The following CLTC variants were observed in gnomAD, a reference collection of about 807,000 sequenced individuals.
The protein encoded by CLTC is clathrin heavy chain 1.
A neutral mutation model predicts 195.8 loss-of-function variants in CLTC; 16 were observed. That is an observed-to-expected ratio of 0.08 (90% confidence interval 0.06 to 0.12). The LOEUF is 0.12. Among genes scored for constraint, CLTC ranks in the 10% least tolerant of loss-of-function variants. The pLI is 1.00. For missense variants in CLTC, 796 were observed against 2,027.0 expected, an observed-to-expected ratio of 0.39 and a Z score of 11.66; for synonymous variants, 667 against 689.4, an observed-to-expected ratio of 0.97 and a Z score of 0.51.
chr17:59,626,387 G>A (rs1022228249), intron 1 of CLTC, among the ~76,000 whole-genome samples: 3 of 152,072 alleles, frequency 2.0e-5, no homozygotes, highest in African/African-American at 4.8e-5. Flanking sequence ...TATGTTCCAC[G>A]AGTCTCATTG....
At position 59,648,122 on chromosome 17, in the gene CLTC, CAA is replaced by C. The variant is rs1480669114; in HGVS notation, c.520-116_520-115del. 4.0e-6 allele frequency: 4 copies of C among 1,003,746 alleles called. No homozygotes were observed. The highest frequency in any genetic ancestry group is 1.9e-5 in the South Asian group (1 of 51,860). 62.2% of individuals were successfully genotyped at this position (1,003,746 alleles called of 1,614,324 possible). A position where few individuals can be genotyped will look rare whatever the true frequency, so the allele number is the denominator to read the frequency against. The stretch of plus-strand genomic sequence containing the variant: ...AAATCTACAGTGAGAGATGAAGTGA[CAA>C]ATAATTATAAATCCTGCTAAAGATG... On this transcript the variant is annotated intron_variant, in intron 3 of 31. Coordinates refer to ENST00000269122, the MANE Select transcript of CLTC (RefSeq NM_004859.4). The surrounding 1 kb of genome is among the most constrained non-coding windows in gnomAD (Gnocchi z 4.5).
At position 59,683,936 on chromosome 17, in the gene CLTC, C is replaced by A; in HGVS notation, c.4385C>A (p.Ser1462Tyr). The A allele has an allele frequency of 6.2e-7, 1 of 1,613,032 alleles. No homozygotes were observed. Among genetic ancestry groups the A allele is most frequent in the South Asian group, 1.1e-5 (1 of 91,056 alleles). Residue 1462 changes from serine (S) to tyrosine (Y), a missense_variant, in exon 28 of 32, where the codon TCT (serine) becomes TAT (tyrosine). By Grantham distance (144) the Ser-to-Tyr change is moderately radical. Coordinates refer to ENST00000269122, the MANE Select transcript of CLTC (RefSeq NM_004859.4). This position sits in a 1 kb window ranked among gnomAD's most constrained non-coding sequence, Gnocchi z 6.1. ...TCAGTTCAGAACCATAACAACAAAT[C>A]TGTGAATGAATCATTGAACAATCTT... ...LRSVQNHNNKSVNESLNNLFI... is the reference protein window; with the variant it reads ...LRSVQNHNNKYVNESLNNLFI...
chr17:59,655,407 A>C lies in CLTC; in HGVS notation c.796-447A>C, dbSNP rs574646506. Among the ~76,000 whole-genome samples the C allele has an allele frequency of 2.0e-5, 3 of 152,358 alleles. No homozygotes were observed. In the East Asian group the frequency reaches 5.8e-4, roughly 29 times the overall value. Reference sequence around the variant, plus strand: ...CATCAAAGATGACTGGCCACAGATCAACATGACAGATACAATAATGAAAAG... The same window carrying C: ...CATCAAAGATGACTGGCCACAGATCCACATGACAGATACAATAATGAAAAG... On this transcript the variant is annotated intron_variant, in intron 5 of 31. Coordinates refer to ENST00000269122, the MANE Select transcript of CLTC (RefSeq NM_004859.4).
intron 1 of CLTC, among the ~76,000 whole-genome samples, chr17:59,627,195 C>G (rs2031578600): frequency 6.6e-6 from 1 of 152,210 alleles, no homozygotes; most frequent in Non-Finnish European, 1.5e-5. Flanking sequence ...GACACCAAGC[C>G]TTGTCCTATT....
chr17:59,620,056 T>A lies in CLTC; in HGVS notation c.-76T>A. ...AGCCTCCCCCCTCCCCTTCTCCTCC[T>A]CTCCCTTGGAGAGCCCGGGCAGCCA... On this transcript the variant is annotated 5_prime_UTR_variant, in exon 1 of 32. Coordinates refer to ENST00000269122, the MANE Select transcript of CLTC (RefSeq NM_004859.4). 1 of 1,385,128 alleles carries A rather than the reference T, an allele frequency of 7.2e-7. No homozygotes were observed. Among genetic ancestry groups the A allele is most frequent in the Non-Finnish European group, 1.0e-6 (1 of 978,230 alleles). 85.8% of individuals were successfully genotyped at this position (1,385,128 alleles called of 1,614,324 possible).
At chr17:59,663,714 A>G in intron 8 of CLTC, 128 bp from the exon 9 acceptor site, 1 of 696,260 alleles carries the variant, frequency 1.4e-6, no homozygotes, top group Non-Finnish European at 2.3e-6. Context: ...ACCCCTGCAT[A>G]TTTATAATAT....
rs896974819 is a variant in CLTC, at chr17:59,682,542, C to A, written c.3601-87C>A. 1.3e-6 allele frequency: 2 copies of A among 1,577,878 alleles called. No homozygotes were observed. Among genetic ancestry groups the A allele is most frequent in the Non-Finnish European group, 1.7e-6 (2 of 1,158,034 alleles). On this transcript the variant is annotated intron_variant, in intron 22 of 31. Transcript: ENST00000269122. This position sits in a 1 kb window ranked among gnomAD's most constrained non-coding sequence, Gnocchi z 6.8. The stretch of plus-strand genomic sequence containing the variant: ...GGAAAAATCTATAGGAAAACAAATT[C>A]TTTCTCATTGTGAAGATATCAATTT...
At chr17:59,644,246 G>A in intron 1 of CLTC, 30 bp from the exon 2 acceptor site, 1 of 1,587,214 alleles carries the variant, frequency 6.3e-7, no homozygotes, top group Non-Finnish European at 8.6e-7. Context: ...GAATCCACTT[G>A]GTAACATGGT....
intron 1 of CLTC, among the ~76,000 whole-genome samples, chr17:59,631,181 A>G (rs999783388): frequency 2.0e-5 from 3 of 152,060 alleles, no homozygotes; most frequent in African/African-American, 7.2e-5. Flanking sequence ...CCTCCCTTAT[A>G]TTGTGTATCC....
chr17:59,664,250 T>C (rs1176413282), intron 9 of CLTC, among the ~76,000 whole-genome samples: 1 of 152,234 alleles, frequency 6.6e-6, no homozygotes, highest in Non-Finnish European at 1.5e-5. Flanking sequence ...AATATTCATT[T>C]ATTGAAAATG....
chr17:59,658,572 AATG>A (rs1357557649), intron 6 of CLTC: 2 of 152,200 alleles, frequency 1.3e-5, no homozygotes, highest in Admixed American at 6.6e-5. Flanking sequence ...TCCCTGAAGG[AATG>A]AGTAAGTGGC....
chr17:59,639,331 G>A (rs2031960950), intron 1 of CLTC, among the ~76,000 whole-genome samples: 1 of 152,054 alleles, frequency 6.6e-6, no homozygotes. Flanking sequence ...TAAGATTTTA[G>A]TGCTTTACTG....
At chr17:59,686,172 C>T (rs536986456) in intron 30 of CLTC, among the ~76,000 whole-genome samples, 1 of 152,124 alleles carries the variant, frequency 6.6e-6, no homozygotes, top group African/African-American at 2.4e-5. Flanking sequence ...TGGTTCCTGA[C>T]TTTAATGATG....
intron 28 of CLTC, chr17:59,684,315 A>G (rs762194561): frequency 4.0e-5 from 8 of 198,526 alleles, no homozygotes; most frequent in Non-Finnish European, 8.2e-5. Context: ...TTTATTCACC[A>G]TTTTTCTTGC....
chr17:59,660,300 G>T, intron 6 of CLTC, 91 bp from the exon 7 acceptor site: 2 of 1,058,974 alleles, frequency 1.9e-6, no homozygotes, highest in East Asian at 2.5e-5. Flanking sequence ...CATTACCTTT[G>T]TGACTCAGTA....
At chr17:59,626,634 G>A (rs2031561136) in intron 1 of CLTC, among the ~76,000 whole-genome samples, 1 of 152,182 alleles carries the variant, frequency 6.6e-6, no homozygotes, top group Non-Finnish European at 1.5e-5. Flanking sequence ...GAATGAGGCT[G>A]TTTCTCTAAG....
At chr17:59,690,129 T>A (rs1353011235) in intron 30 of CLTC, 1 of 152,342 alleles carries the variant, frequency 6.6e-6, no homozygotes, top group Non-Finnish European at 1.5e-5. Context: ...TGGAGCCACT[T>A]GAATCTTAAA....
In CLTC at chr17:59,666,355, G is replaced by C; in HGVS notation, c.1782+115G>C. ...GGGCCTACTCCTTATTAAAGAAAAT[G>C]TAGCTATTATAATATTCTTTTGTAC... is the stretch of plus-strand genomic sequence containing the variant. On this transcript the variant is annotated intron_variant, in intron 11 of 31. Transcript: ENST00000269122. The surrounding 1 kb of genome is among the most constrained non-coding windows in gnomAD (Gnocchi z 4.9). 6.8e-7 allele frequency: 1 copy of C among 1,475,412 alleles called. No homozygotes were observed. The highest frequency in any genetic ancestry group is 9.2e-7 in the Non-Finnish European group (1 of 1,082,732). The allele number at this position is 1,475,412 out of a possible 1,614,324, so 91.4% of individuals were successfully genotyped here. A position where few individuals can be genotyped will look rare whatever the true frequency, so the allele number is the denominator to read the frequency against.
intron 6 of CLTC, among the ~76,000 whole-genome samples, chr17:59,659,585 C>T (rs1448795734): frequency 6.6e-6 from 1 of 151,602 alleles, no homozygotes. Flanking sequence ...CTAGTGACTA[C>T]AGGCGCGTGC....
Sources: gnomAD v4.1 joint callset for allele counts (sites outside exome capture counted in the v4.1 genomes callset) on GRCh38, gnomAD v4.1.1 for gene constraint, Gnocchi (gnomAD v3.1) non-coding constraint, MANE v1.5 for transcripts, NCBI Gene and HGNC (gene_info 2026-07-23, HGNC 2026-07-21) for gene names.